Variants in OPCML observed in about 807,000 individuals in gnomAD.
OPCML encodes opioid-binding protein/cell adhesion molecule.
In OPCML, 13 loss-of-function variants were observed where a neutral mutation model predicts 37.8. The observed-to-expected ratio is 0.34, with a 90% CI of 0.22 to 0.55. The LOEUF is 0.55. OPCML is among the 20% of genes least tolerant of loss of function. The pLI, the probability that OPCML is intolerant of heterozygous loss-of-function variation, is 0.91. For missense variants in OPCML, 341 were observed against 435.6 expected (o/e 0.78, Z 1.93); for synonymous variants, 176 against 168.8 (o/e 1.04, Z -0.33).
chr11:133,153,255 C>T (rs145780257), intron 1 of OPCML, among the ~76,000 whole-genome samples: 95 of 152,264 alleles, frequency 6.2e-4, no homozygotes, highest in African/African-American at 2.1e-3. Context: ...GGTGGAAGTC[C>T]GTTTCCTGTC....
intron 2 of OPCML, among the ~76,000 whole-genome samples, chr11:132,907,588 G>A (rs912880763): frequency 1.3e-5 from 2 of 149,996 alleles, no homozygotes; most frequent in Non-Finnish European, 1.5e-5. Flanking sequence ...CCGAGATCAC[G>A]CCACTGCACT....
At chr11:132,619,036 G>A (rs907441602) in intron 3 of OPCML, among the ~76,000 whole-genome samples, 6 of 151,632 alleles carry the variant, frequency 4.0e-5, no homozygotes, top group Non-Finnish European at 7.4e-5. Flanking sequence ...CTATGGTTTC[G>A]AGGGAAAGCA....
chr11:132,855,839 A>G (rs1219114532), intron 2 of OPCML, among the ~76,000 whole-genome samples: 1 of 152,230 alleles, frequency 6.6e-6, no homozygotes, highest in East Asian at 1.9e-4. Context: ...TAACTAATGC[A>G]GTTTTCTCAG....
intron 1 of OPCML, among the ~76,000 whole-genome samples, chr11:133,499,819 T>TATAC (rs1471205100): frequency 1.4e-5 from 2 of 140,746 alleles, no homozygotes; most frequent in Non-Finnish European, 3.0e-5. Flanking sequence ...TATATATATA[T>TATAC]ACACACATAT....
At chr11:133,152,826 T>G (rs1372450646) in intron 1 of OPCML, among the ~76,000 whole-genome samples, 1 of 152,220 alleles carries the variant, frequency 6.6e-6, no homozygotes, top group Non-Finnish European at 1.5e-5. Context: ...GCACGCAATT[T>G]GCTGTCTAGT....
chr11:132,740,672 C>T (rs559306457), intron 2 of OPCML, among the ~76,000 whole-genome samples: 1 of 152,150 alleles, frequency 6.6e-6, no homozygotes, highest in Admixed American at 6.5e-5. Flanking sequence ...GCCATAACTT[C>T]TTAAAATATT....
intron 1 of OPCML, among the ~76,000 whole-genome samples, chr11:133,183,111 C>G (rs937487971): frequency 1.3e-5 from 2 of 152,184 alleles, no homozygotes; most frequent in Non-Finnish European, 2.9e-5. Context: ...GTCCACATCT[C>G]TGACTATAAA....
At chr11:132,557,582 T>A (rs1013728720) in intron 3 of OPCML, among the ~76,000 whole-genome samples, 1 of 152,228 alleles carries the variant, frequency 6.6e-6, no homozygotes. Flanking sequence ...TAATAATCCA[T>A]TCCAAAGTTC....
In OPCML at chr11:133,483,460, A is replaced by T. The variant is rs190098930; in HGVS notation, c.61+48804T>A. 2.0e-3 allele frequency among the ~76,000 whole-genome samples: 301 copies of T among 152,182 alleles called. 1 individual carries two copies. Among genetic ancestry groups the T allele is most frequent in the African/African-American group, 6.9e-3 (286 of 41,568 alleles). On this transcript the variant is annotated intron_variant, in intron 1 of 7. Transcript: ENST00000524381. ...ATTAGCTAGATTGATTGATAAATAG[A>T]AAAAGAGAGACAGTCTTCTAGATTT...
At chr11:132,969,903 T>C (rs1348766999) in intron 1 of OPCML, among the ~76,000 whole-genome samples, 1 of 152,240 alleles carries the variant, frequency 6.6e-6, no homozygotes, top group Non-Finnish European at 1.5e-5. Context: ...TTGTTAAATC[T>C]GACATCTGTG....
At chr11:132,954,025 T>A (rs1027080983) in intron 1 of OPCML, among the ~76,000 whole-genome samples, 1 of 152,240 alleles carries the variant, frequency 6.6e-6, no homozygotes, top group Non-Finnish European at 1.5e-5. Context: ...GTATAACATG[T>A]CAGTTACTTG....
At chr11:133,145,800 A>C (rs1949889181) in intron 1 of OPCML, among the ~76,000 whole-genome samples, 1 of 152,208 alleles carries the variant, frequency 6.6e-6, no homozygotes, top group Non-Finnish European at 1.5e-5. Flanking sequence ...ACCAATGGGC[A>C]GGCTGTGGTT....
intron 1 of OPCML, among the ~76,000 whole-genome samples, chr11:133,340,608 CTGTGTG>C (rs5795838): frequency 0.04 from 5,559 of 139,398 alleles, 138 homozygotes; most frequent in South Asian, 0.048. Context: ...AAGACTCTCT[CTGTGTG>C]TGTGTGTGTG....
At chr11:132,810,145 A>G (rs895833418) in intron 2 of OPCML, among the ~76,000 whole-genome samples, 10 of 151,940 alleles carry the variant, frequency 6.6e-5, no homozygotes, top group African/African-American at 1.9e-4. Context: ...CACCACACCC[A>G]GCCTCTCCCT....
At chr11:133,121,682 A>C (rs1467389169) in intron 1 of OPCML, among the ~76,000 whole-genome samples, 1 of 152,222 alleles carries the variant, frequency 6.6e-6, no homozygotes, top group Non-Finnish European at 1.5e-5. Context: ...TTACATTCTC[A>C]TAAATATTTT....
intron 1 of OPCML, among the ~76,000 whole-genome samples, chr11:133,210,827 C>T (rs58912912): frequency 0.033 from 5,071 of 152,166 alleles, 287 homozygotes; most frequent in African/African-American, 0.12. Context: ...TCTGAACTTG[C>T]TCCTTTTTTG....
chr11:133,091,571 A>T (rs1948906903), intron 1 of OPCML, among the ~76,000 whole-genome samples: 1 of 152,208 alleles, frequency 6.6e-6, no homozygotes, highest in South Asian at 2.1e-4. Flanking sequence ...GTCAAAGAAG[A>T]TTACTCACAA....
intron 7 of OPCML, 121 bp downstream of exon 7, chr11:132,435,965 A>T: frequency 1.1e-6 from 1 of 870,450 alleles, no homozygotes; most frequent in Non-Finnish European, 1.7e-6. Context: ...TCTTATCTAC[A>T]GGTGGTGGGT....
chr11:132,774,435 A>G (rs906296197), intron 2 of OPCML, among the ~76,000 whole-genome samples: 1 of 152,206 alleles, frequency 6.6e-6, no homozygotes, highest in Non-Finnish European at 1.5e-5. Context: ...AAGAATGGTC[A>G]GTGTTACAAA....
Sources: gnomAD v4.1 joint callset for allele counts (sites outside exome capture counted in the v4.1 genomes callset) on GRCh38, gnomAD v4.1.1 for gene constraint, MANE v1.5 for transcripts, NCBI Gene and HGNC (gene_info 2026-07-23, HGNC 2026-07-21) for gene names.